DPY19L1: variants seen among roughly 807,000 people sequenced by gnomAD.
The protein encoded by DPY19L1 is protein C-mannosyl-transferase DPY19L1.
A neutral mutation model predicts 96.9 loss-of-function variants in DPY19L1; 35 were observed. The observed-to-expected ratio is 0.36, with a 90% confidence interval of 0.28 to 0.48. DPY19L1 has a LOEUF of 0.48. Among genes scored for constraint, DPY19L1 ranks in the 20% least tolerant of loss-of-function variants. The probability of loss-of-function intolerance (pLI) is 0.99; values close to 1 mark genes in which losing one functional copy is unlikely to be tolerated. For missense variants in DPY19L1, 521 were observed against 777.9 expected (o/e 0.67, Z 3.93); for synonymous variants, 205 against 252.6 (o/e 0.81, Z 1.79).
chr7:35,029,983 C>T (rs1391114767), intron 1 of DPY19L1, among the ~76,000 whole-genome samples: 2 of 152,126 alleles, frequency 1.3e-5, no homozygotes, highest in East Asian at 1.9e-4. Flanking sequence ...GTTTTCTCAC[C>T]AAGAAAATTC....
intron 11 of DPY19L1, 133 bp downstream of exon 11, chr7:34,957,851 T>C (rs1784410672): frequency 1.7e-6 from 1 of 573,426 alleles, no homozygotes; most frequent in Non-Finnish European, 3.1e-6. Context: ...TTGAACACCA[T>C]ACATCTAGAA....
intron 7 of DPY19L1, among the ~76,000 whole-genome samples, chr7:34,983,605 A>G (rs540497204): frequency 1.3e-5 from 2 of 152,028 alleles, no homozygotes; most frequent in South Asian, 4.2e-4. Context: ...AGCAGACTGC[A>G]TGCATCAGAA....
chr7:35,002,743 T>C (rs543828716), intron 6 of DPY19L1, among the ~76,000 whole-genome samples: 5 of 152,362 alleles, frequency 3.3e-5, no homozygotes, highest in East Asian at 3.9e-4. Flanking sequence ...AACATCTGAA[T>C]AGCATCATCT....
Position 34,929,030 on chromosome 7 carries a change from C to G in DPY19L1, c.*2543G>C, listed in dbSNP as rs551483174. The G allele has an allele frequency of 6.6e-6, 1 of 152,204 alleles. No individual in the cohort carries two copies. The highest frequency in any genetic ancestry group is 2.1e-4 in the South Asian group (1 of 4,818). The allele number at this position is 152,204 out of a possible 1,614,324, so 9.4% of individuals were successfully genotyped here. On this transcript the variant is annotated 3_prime_UTR_variant, in exon 22 of 22. Transcript: ENST00000638088. ...CATTAATATCACTGGCCTATTTTAA[C>G]ACTATATTTTTTTTGCCAAGCATTT...
At chr7:34,996,498 T>C (rs1416837942) in intron 6 of DPY19L1, among the ~76,000 whole-genome samples, 4 of 152,168 alleles carry the variant, frequency 2.6e-5, no homozygotes, top group African/African-American at 9.6e-5. Context: ...ATGCTTCCCC[T>C]GGAGCCTCCC....
chr7:34,966,224 C>G (rs1411533481), intron 10 of DPY19L1, among the ~76,000 whole-genome samples: 2 of 152,126 alleles, frequency 1.3e-5, no homozygotes, highest in African/African-American at 2.4e-5. Flanking sequence ...CTCTTTCCCC[C>G]ACTCTGTTAG....
At chr7:34,968,919 G>C (rs1784667552) in intron 9 of DPY19L1, among the ~76,000 whole-genome samples, 1 of 151,796 alleles carries the variant, frequency 6.6e-6, no homozygotes, top group Admixed American at 6.6e-5. Flanking sequence ...TAGTGGGCAA[G>C]AGTACATGGA....
intron 10 of DPY19L1, among the ~76,000 whole-genome samples, chr7:34,964,621 A>G (rs1401074617): frequency 6.6e-6 from 1 of 152,198 alleles, no homozygotes; most frequent in Non-Finnish European, 1.5e-5. Context: ...GAAGAGGGGG[A>G]AATACACCGA....
rs1378856786 is a variant in DPY19L1, at chr7:34,965,871, T to C, written c.1092+1023A>G. Among the ~76,000 whole-genome samples the C allele has an allele frequency of 2.6e-5, 4 of 152,276 alleles. No individual in the cohort carries two copies. In the South Asian group the frequency reaches 6.2e-4, roughly 24 times the overall value. Reference sequence around the variant, plus strand: ...AACCTAGAGATCAGTTTCTTTGATATCTACTTGGCTAACTCCTTCTCCTTC... The same window carrying C: ...AACCTAGAGATCAGTTTCTTTGATACCTACTTGGCTAACTCCTTCTCCTTC... On this transcript the variant is annotated intron_variant, in intron 10 of 21. Transcript: ENST00000638088.
chr7:34,980,172 G>A (rs1409386091), intron 7 of DPY19L1, among the ~76,000 whole-genome samples: 1 of 152,124 alleles, frequency 6.6e-6, no homozygotes, highest in African/African-American at 2.4e-5. Context: ...TTTTTAACAA[G>A]TGGTACTAGG....
In DPY19L1 at chr7:35,017,881, C is replaced by T. The variant is rs1346340171; in HGVS notation, c.411+1G>A. 1 of 1,588,986 alleles carries T rather than the reference C, an allele frequency of 6.3e-7. No homozygotes were observed. Among genetic ancestry groups the T allele is most frequent in the Admixed American group, 1.8e-5 (1 of 56,660 alleles). On this transcript the variant is annotated splice_donor_variant, in intron 3 of 21. Coordinates refer to ENST00000638088, the MANE Select transcript of DPY19L1 (RefSeq NM_001366673.1). LOFTEE classifies it high-confidence loss of function. ...TGATGAAATCCCAAATAAAAACTAA[C>T]CATTTCAGTGCGAAAAGCCATCTCC...
At chr7:34,988,389 C>T (rs368599306) in intron 7 of DPY19L1, among the ~76,000 whole-genome samples, 23 of 151,930 alleles carry the variant, frequency 1.5e-4, no homozygotes, top group African/African-American at 5.5e-4. Context: ...ATGGTCCACA[C>T]TATCACAATG....
chr7:34,942,537 G>C, intron 17 of DPY19L1, 78 bp downstream of exon 17: 1 of 1,186,764 alleles, frequency 8.4e-7, no homozygotes, highest in Non-Finnish European at 1.2e-6. Context: ...AACAAAGTTA[G>C]AAACTGGAAC....
chr7:34,953,963 C>A (rs185364663), intron 13 of DPY19L1, among the ~76,000 whole-genome samples: 30 of 152,092 alleles, frequency 2.0e-4, no homozygotes, highest in Admixed American at 1.6e-3. Flanking sequence ...TTCACATAAC[C>A]CAGTTTCAAA....
chr7:35,006,001 G>C (rs1016700882), intron 6 of DPY19L1, among the ~76,000 whole-genome samples: 6 of 152,014 alleles, frequency 3.9e-5, no homozygotes, highest in Admixed American at 2.0e-4. Flanking sequence ...CACTTTTTTC[G>C]ATGATTCTCT....
In DPY19L1 at chr7:34,935,178, G is replaced by A. The variant is rs188204613; in HGVS notation, c.2090+2816C>T. ...GAGGGCCCACGGTGGCAGAGAGTGA[G>A]ACACACAGAAAGTAGAGAACGACCC... is the stretch of plus-strand genomic sequence containing the variant. On this transcript the variant is annotated intron_variant, in intron 21 of 21. Coordinates refer to ENST00000638088, the MANE Select transcript of DPY19L1 (RefSeq NM_001366673.1). 3.9e-5 allele frequency among the ~76,000 whole-genome samples: 6 copies of A among 152,264 alleles called. No homozygotes were observed. In the East Asian group the frequency reaches 7.7e-4, roughly 20 times the overall value.
intron 7 of DPY19L1, among the ~76,000 whole-genome samples, chr7:34,974,375 C>A (rs1369961450): frequency 6.6e-6 from 1 of 152,104 alleles, no homozygotes; most frequent in Non-Finnish European, 1.5e-5. Flanking sequence ...AGCACGGGTA[C>A]CTAAAAAGAT....
Position 34,973,591 on chromosome 7 carries a change from C to T in DPY19L1, c.837G>A (p.Met279Ile). 1 of 1,502,892 alleles carries T rather than the reference C, an allele frequency of 6.7e-7. No individual in the cohort carries two copies. Among genetic ancestry groups the T allele is most frequent in the South Asian group, 1.5e-5 (1 of 67,574 alleles). 93.1% of individuals were successfully genotyped at this position (1,502,892 alleles called of 1,614,324 possible). ...FFNHGECTRVMWTPPLRESFS... is the reference protein window; with the variant it reads ...FFNHGECTRVIWTPPLRESFS... ...AGCTTTCACGGAGAGGTGGTGTCCA[C>T]ATTACACGGGTACACTGAAAAAAAA... Residue 279 changes from methionine to isoleucine, a missense_variant, in exon 8 of 22, where the codon ATG (methionine) becomes ATA (isoleucine). Physicochemically the swap from Met to Ile is conservative, Grantham distance 10. Transcript: ENST00000638088.
At chr7:34,956,049 C>T (rs1450096286) in intron 11 of DPY19L1, among the ~76,000 whole-genome samples, 6 of 152,066 alleles carry the variant, frequency 3.9e-5, no homozygotes, top group Admixed American at 1.3e-4. Context: ...TATTTTTATA[C>T]ACCAAAATAT....
Sources: allele counts gnomAD v4.1 joint callset (sites outside exome capture counted in the v4.1 genomes callset), GRCh38; gene constraint gnomAD v4.1.1; transcripts MANE v1.5; gene names NCBI Gene and HGNC (gene_info 2026-07-23, HGNC 2026-07-21).